The following FMNL2 variants were observed in gnomAD, a reference collection of about 807,000 sequenced individuals.
FMNL2 encodes formin like 2.
FMNL2 carries 51 observed loss-of-function variants against 130.2 expected under a neutral mutation model. The ratio of observed to expected loss-of-function variants is 0.39; its 90% CI spans 0.31 to 0.49. The LOEUF (loss-of-function observed/expected upper bound fraction) is 0.49, where lower values mean the gene tolerates loss of function less well. Ranked by LOEUF, FMNL2 falls within the 20% of genes least tolerant of loss-of-function variation. FMNL2 has a pLI of 0.85. For missense variants in FMNL2, 977 were observed against 1,316.2 expected (o/e 0.74, Z 3.99); for synonymous variants, 465 against 467.1 (o/e 1.00, Z 0.06).
In FMNL2 at chr2:152,348,989, C is replaced by T. The variant is rs1011589974; in HGVS notation, c.117+13269C>T. On this transcript the variant is annotated intron_variant, in intron 1 of 25. Transcript: ENST00000288670. ...AGCTGGGACTACAGGTGCCCGCCAC[C>T]GCGCCCGGCTAATTTTTTGTATTTT... Among the ~76,000 whole-genome samples the T allele has an allele frequency of 1.3e-4, 19 of 144,968 alleles. No individual in the cohort carries two copies. In the South Asian group the frequency reaches 2.0e-3, roughly 16 times the overall value.
chr2:152,439,464 A>G (rs1687946957), intron 1 of FMNL2, among the ~76,000 whole-genome samples: 1 of 152,152 alleles, frequency 6.6e-6, no homozygotes, highest in African/African-American at 2.4e-5. Context: ...ATATATGGTA[A>G]TTAAATAAGA....
intron 1 of FMNL2, among the ~76,000 whole-genome samples, chr2:152,434,540 T>C (rs1250035676): frequency 6.6e-6 from 1 of 152,108 alleles, no homozygotes; most frequent in Non-Finnish European, 1.5e-5. Context: ...AGCTGGCCCC[T>C]GATTTTAGTT....
chr2:152,613,855 T>C (rs1455167708), intron 11 of FMNL2, among the ~76,000 whole-genome samples: 2 of 152,232 alleles, frequency 1.3e-5, no homozygotes, highest in African/African-American at 4.8e-5. Flanking sequence ...ATGTTACTTG[T>C]AGGGAAGATT....
chr2:152,510,641 A>G (rs1052125689), intron 1 of FMNL2, among the ~76,000 whole-genome samples: 4 of 152,244 alleles, frequency 2.6e-5, no homozygotes, highest in African/African-American at 4.8e-5. Flanking sequence ...TCGTACACAC[A>G]GATGCAAACA....
intron 9 of FMNL2, among the ~76,000 whole-genome samples, chr2:152,602,884 G>A (rs921978297): frequency 6.6e-6 from 1 of 152,136 alleles, no homozygotes; most frequent in African/African-American, 2.4e-5. Flanking sequence ...AGAGGCCACC[G>A]CAAAGGAGAG....
intron 9 of FMNL2, among the ~76,000 whole-genome samples, chr2:152,583,855 A>G (rs887023470): frequency 6.6e-6 from 1 of 152,178 alleles, no homozygotes; most frequent in African/African-American, 2.4e-5. Flanking sequence ...TGCTGCAACC[A>G]TCCTGCATTA....
intron 1 of FMNL2, among the ~76,000 whole-genome samples, chr2:152,358,223 C>T (rs1026189829): frequency 1.3e-5 from 2 of 152,208 alleles, no homozygotes; most frequent in African/African-American, 4.8e-5. Flanking sequence ...GGCTCTCGGG[C>T]ATTTGGCCAC....
chr2:152,531,478 C>CTTTT (rs11462086), intron 2 of FMNL2, among the ~76,000 whole-genome samples: 9 of 147,964 alleles, frequency 6.1e-5, no homozygotes, highest in Non-Finnish European at 9.0e-5. Context: ...GATGTAAGAT[C>CTTTT]TTTTTTTTTT....
rs148761962 is a variant in FMNL2 at position 152,479,908 on chromosome 2, G to T, written c.118-42035G>T. On this transcript the variant is annotated intron_variant, in intron 1 of 25. Coordinates refer to ENST00000288670, the MANE Select transcript of FMNL2 (RefSeq NM_052905.4). ...TGTCTTTTTTTTTGGTAGAGATGGGGTTTTTTGGCCATGTGACTTACGTTG... is the reference window on the plus strand; with the variant it reads ...TGTCTTTTTTTTTGGTAGAGATGGGTTTTTTTGGCCATGTGACTTACGTTG... Among the ~76,000 whole-genome samples the T allele has an allele frequency of 4.7e-3, 720 of 152,014 alleles. 6 individuals are homozygous for T. Among genetic ancestry groups the T allele is most frequent in the African/African-American group, 0.017 (684 of 41,446 alleles).
chr2:152,359,429 C>T (rs548192463), intron 1 of FMNL2, among the ~76,000 whole-genome samples: 1 of 150,582 alleles, frequency 6.6e-6, no homozygotes, highest in South Asian at 2.1e-4. Context: ...AATTGTTGTG[C>T]TATATATTCA....
At chr2:152,344,059 G>A (rs918703066) in intron 1 of FMNL2, among the ~76,000 whole-genome samples, 13 of 152,188 alleles carry the variant, frequency 8.5e-5, no homozygotes, top group Admixed American at 7.2e-4. Flanking sequence ...GGCTGAGGCA[G>A]GAGGATTGCT....
intron 1 of FMNL2, among the ~76,000 whole-genome samples, chr2:152,350,184 C>T (rs1323502229): frequency 6.6e-6 from 1 of 152,062 alleles, no homozygotes; most frequent in African/African-American, 2.4e-5. Flanking sequence ...TAAGAGCCCT[C>T]GGGAGGGAGG....
chr2:152,597,414 T>C (rs1697827513), intron 9 of FMNL2, among the ~76,000 whole-genome samples: 1 of 152,232 alleles, frequency 6.6e-6, no homozygotes, highest in African/African-American at 2.4e-5. Flanking sequence ...AGAAATGCTT[T>C]ATGCAGACTC....
At chr2:152,338,897 T>C (rs1165470519) in intron 1 of FMNL2, among the ~76,000 whole-genome samples, 2 of 151,730 alleles carry the variant, frequency 1.3e-5, no homozygotes, top group Non-Finnish European at 2.9e-5. Flanking sequence ...AATGTTTCTG[T>C]TATACTCTAA....
At chr2:152,407,374 C>A (rs1054987119) in intron 1 of FMNL2, among the ~76,000 whole-genome samples, 8 of 151,952 alleles carry the variant, frequency 5.3e-5, no homozygotes, top group Non-Finnish European at 8.8e-5. Context: ...TTGGGAGAAA[C>A]CCTTCCAGCC....
chr2:152,616,413 C>T (rs1698953836), intron 12 of FMNL2, among the ~76,000 whole-genome samples: 1 of 147,152 alleles, frequency 6.8e-6, no homozygotes, highest in Non-Finnish European at 1.5e-5. Context: ...TCACTGCAAC[C>T]TCTGCCTCCT....
chr2:152,622,510 T>C (rs1681417357), intron 15 of FMNL2: 1 of 456,616 alleles, frequency 2.2e-6, no homozygotes, highest in Non-Finnish European at 4.4e-6. Flanking sequence ...TTTTGTATTT[T>C]CTCTGTTCTT....
chr2:152,510,384 T>C (rs1215624375), intron 1 of FMNL2, among the ~76,000 whole-genome samples: 1 of 152,168 alleles, frequency 6.6e-6, no homozygotes, highest in Non-Finnish European at 1.5e-5. Flanking sequence ...TTTGTAAGGA[T>C]AGAAAGAGAA....
At chr2:152,371,921 C>T (rs147731409) in intron 1 of FMNL2, among the ~76,000 whole-genome samples, 142 of 152,250 alleles carry the variant, frequency 9.3e-4, no homozygotes, top group African/African-American at 2.5e-3. Context: ...AGAAAGCCCT[C>T]ACCAGATGTG....
Sources: allele counts gnomAD v4.1 joint callset (sites outside exome capture counted in the v4.1 genomes callset), GRCh38; gene constraint gnomAD v4.1.1; transcripts MANE v1.5; gene names NCBI Gene and HGNC (gene_info 2026-07-23, HGNC 2026-07-21).